The following DCDC1 variants were observed in gnomAD, a reference collection of about 807,000 sequenced individuals.
The protein encoded by DCDC1 is doublecortin domain-containing protein 1.
In DCDC1, 200 loss-of-function variants were observed where a neutral mutation model predicts 178.3. That is an observed-to-expected ratio of 1.12 (90% CI 1.00 to 1.26). The LOEUF (loss-of-function observed/expected upper bound fraction) is 1.26. Among genes scored for constraint, DCDC1 ranks in the 50% most tolerant of loss-of-function variants. The pLI, the probability that DCDC1 is intolerant of heterozygous loss-of-function variation, is 0.00. For missense variants in DCDC1, 1,983 were observed against 1,749.2 expected, an observed-to-expected ratio of 1.13 and a Z score of -2.38; for synonymous variants, 690 against 604.8, an observed-to-expected ratio of 1.14 and a Z score of -2.07.
intron 35 of DCDC1, among the ~76,000 whole-genome samples, chr11:30,893,865 C>T (rs566792764): frequency 1.3e-5 from 2 of 152,298 alleles, no homozygotes; most frequent in South Asian, 2.1e-4. Flanking sequence ...TGAATGTCTC[C>T]ATTGCAATTA....
intron 2 of DCDC1, among the ~76,000 whole-genome samples, chr11:31,332,544 C>T (rs1950048521): frequency 6.6e-6 from 1 of 152,162 alleles, no homozygotes; most frequent in African/African-American, 2.4e-5. Flanking sequence ...CTACCCACTG[C>T]TTTAAATGTG....
At chr11:31,182,312 T>G (rs1968911000) in intron 9 of DCDC1, among the ~76,000 whole-genome samples, 1 of 152,052 alleles carries the variant, frequency 6.6e-6, no homozygotes, top group Non-Finnish European at 1.5e-5. Context: ...AAGATTGAAA[T>G]GAAGGCAGCC....
rs1491107813 is a variant in DCDC1 at position 30,888,116 on chromosome 11, AAG to A, written c.5082+4700_5082+4701del. Among the ~76,000 whole-genome samples, 319 of 143,210 alleles carry A rather than the reference AAG, an allele frequency of 2.2e-3. 2 individuals carry two copies. Among genetic ancestry groups the A allele is most frequent in the Admixed American group, 2.0e-3 (28 of 13,690 alleles). 94.0% of individuals were successfully genotyped at this position (143,210 alleles called of 152,430 possible). On this transcript the variant is annotated intron_variant, in intron 36 of 38. Transcript: ENST00000684477. ...AGAAAGAAAAAGAAAGAAAGAAAGA[AAG>A]AAAGAAAGAAAGAAAGAAAGAAAGA...
intron 3 of DCDC1, among the ~76,000 whole-genome samples, chr11:31,321,584 C>A (rs1427441873): frequency 6.6e-6 from 1 of 152,106 alleles, no homozygotes; most frequent in Non-Finnish European, 1.5e-5. Context: ...AACCCGGTAC[C>A]TCAGATGGAA....
intron 6 of DCDC1, among the ~76,000 whole-genome samples, chr11:31,295,312 A>G (rs1382979902): frequency 6.6e-6 from 1 of 152,084 alleles, no homozygotes; most frequent in East Asian, 1.9e-4. Flanking sequence ...TTGAACCCAC[A>G]GATGCAGAAC....
intron 20 of DCDC1, among the ~76,000 whole-genome samples, chr11:31,055,587 T>A (rs1236380872): frequency 6.6e-6 from 1 of 152,204 alleles, no homozygotes; most frequent in Admixed American, 6.5e-5. Flanking sequence ...AATTGCAGAA[T>A]TGTGGAACCA....
intron 18 of DCDC1, among the ~76,000 whole-genome samples, chr11:31,069,595 A>C (rs545382380): frequency 6.6e-6 from 1 of 152,300 alleles, no homozygotes; most frequent in Non-Finnish European, 1.5e-5. Flanking sequence ...AAAAGAATCG[A>C]CTTCTAAAAA....
At position 31,106,879 on chromosome 11, in the gene DCDC1, C is replaced by T. The variant is rs1958883756; in HGVS notation, c.1669G>A (p.Asp557Asn). The T allele has an allele frequency of 1.3e-6, 1 of 765,964 alleles. No individual in the cohort carries two copies. The highest frequency in any genetic ancestry group is 1.7e-5 in the African/African-American group (1 of 59,068). 47.4% of individuals were successfully genotyped at this position (765,964 alleles called of 1,614,324 possible). A position where few individuals can be genotyped will look rare whatever the true frequency, so the allele number is the denominator to read the frequency against. The change falls in exon 13 of 39, where the codon GAT becomes AAT. Residue 557 changes from aspartate to asparagine, a missense_variant. Transcript: ENST00000684477. The stretch of plus-strand genomic sequence containing the variant: ...TTCTTAATTTCTTGGCCATTCTCAT[C>T]AAAAAGCCGCATTGAAGAATAATTG... ...GLNYSSMRLF[D>N]ENGQEIKNPL...
intron 15 of DCDC1, among the ~76,000 whole-genome samples, chr11:31,097,526 T>C (rs1171863980): frequency 6.6e-6 from 1 of 152,254 alleles, no homozygotes; most frequent in Non-Finnish European, 1.5e-5. Context: ...ATGTAATTTC[T>C]GTTCTCTCTT....
chr11:31,307,909 C>T lies in DCDC1; in HGVS notation c.165-1G>A. 2 of 1,613,786 alleles carry T rather than the reference C, an allele frequency of 1.2e-6. No homozygotes were observed. Among genetic ancestry groups the T allele is most frequent in the Non-Finnish European group, 1.7e-6 (2 of 1,179,796 alleles). ...TTTTGCCTGGGATGACATAAACTCT[C>T]TGGAAGAAACAATGCATGGAAGAAT... On this transcript the variant is annotated splice_acceptor_variant, in intron 3 of 38. Transcript: ENST00000684477. LOFTEE classifies it high-confidence loss of function.
rs900913414 is a variant in DCDC1, at chr11:31,357,056, A to C, written c.-125+12641T>G. On this transcript the variant is annotated intron_variant, in intron 1 of 38. Transcript: ENST00000684477. Reference sequence around the variant, plus strand: ...CTTCTGAAACTATTCCAATCAATAGAAAAAGAGGGAATCCTCCCTAACTCA... The same window carrying C: ...CTTCTGAAACTATTCCAATCAATAGCAAAAGAGGGAATCCTCCCTAACTCA... Among the ~76,000 whole-genome samples the C allele has an allele frequency of 3.9e-5, 6 of 151,984 alleles. No homozygotes were observed. The East Asian group carries it at 1.2e-3, about 29-fold the overall frequency.
At chr11:31,055,221 A>T (rs1955507353) in intron 20 of DCDC1, among the ~76,000 whole-genome samples, 1 of 152,172 alleles carries the variant, frequency 6.6e-6, no homozygotes, top group Non-Finnish European at 1.5e-5. Flanking sequence ...TGGCCAACAA[A>T]CATATGAAAA....
intron 11 of DCDC1, among the ~76,000 whole-genome samples, chr11:31,121,791 T>G (rs1960845930): frequency 6.6e-6 from 1 of 152,048 alleles, no homozygotes; most frequent in African/African-American, 2.4e-5. Flanking sequence ...ATGAAAATCA[T>G]GAAATGAAGT....
At chr11:31,332,155 G>A (rs959092983) in intron 2 of DCDC1, among the ~76,000 whole-genome samples, 5 of 152,156 alleles carry the variant, frequency 3.3e-5, no homozygotes, top group African/African-American at 9.7e-5. Flanking sequence ...AGATTTTCTA[G>A]TTTATTTGCA....
rs917987837 is a variant in DCDC1, at chr11:31,126,875, T to A, written c.1485+594A>T. 3.3e-5 allele frequency among the ~76,000 whole-genome samples: 5 copies of A among 152,310 alleles called. No individual in the cohort carries two copies. In the South Asian group the frequency reaches 1.0e-3, roughly 32 times the overall value. ...AGCCAAGTATGAGTTGTTCTTTATCTCTCTCAAAGATGCAATAGCAAAGTA... is the reference window on the plus strand; with the variant it reads ...AGCCAAGTATGAGTTGTTCTTTATCACTCTCAAAGATGCAATAGCAAAGTA... On this transcript the variant is annotated intron_variant, in intron 11 of 38. Coordinates refer to ENST00000684477, the MANE Select transcript of DCDC1 (RefSeq NM_001387274.1).
intron 21 of DCDC1, among the ~76,000 whole-genome samples, chr11:30,939,477 G>A (rs1309564971): frequency 2.0e-5 from 3 of 152,196 alleles, no homozygotes; most frequent in Non-Finnish European, 4.4e-5. Context: ...TGGTGAGCAG[G>A]CACATCCAGG....
intron 7 of DCDC1, among the ~76,000 whole-genome samples, chr11:31,284,502 C>T (rs888580509): frequency 1.3e-5 from 2 of 151,888 alleles, no homozygotes; most frequent in Admixed American, 6.6e-5. Context: ...CTAATAAATG[C>T]TTCAAGGTAA....
rs191332113 is a variant in DCDC1 at position 30,900,536 on chromosome 11, A to G, written c.4511-38T>C. 5.2e-4 allele frequency: 721 copies of G among 1,384,938 alleles called. 6 individuals are homozygous for G. The African/African-American group carries it at 9.6e-3, about 18-fold the overall frequency. 85.8% of individuals were successfully genotyped at this position (1,384,938 alleles called of 1,614,324 possible). On this transcript the variant is annotated intron_variant, in intron 32 of 38. Transcript: ENST00000684477. ...ATGACACATTTATCATTGTTCAACG[A>G]ATAATGAATAAATTTGTTTTCTGAA...
chr11:31,321,408 A>T (rs1949342616), intron 3 of DCDC1, among the ~76,000 whole-genome samples: 2 of 148,204 alleles, frequency 1.3e-5, no homozygotes, highest in South Asian at 2.2e-4. Flanking sequence ...GGTGGGAGTG[A>T]CCCGATTTTC....
Sources: allele counts gnomAD v4.1 joint callset (sites outside exome capture counted in the v4.1 genomes callset), GRCh38; gene constraint gnomAD v4.1.1; transcripts MANE v1.5; gene names NCBI Gene and HGNC (gene_info 2026-07-23, HGNC 2026-07-21).